Variants in SPOCK3 observed in about 807,000 individuals in gnomAD.
SPOCK3 encodes testican-3.
SPOCK3 carries 30 observed loss-of-function variants against 56.6 expected under a neutral mutation model. The ratio of observed to expected loss-of-function variants is 0.53; its 90% CI spans 0.40 to 0.72. The LOEUF is 0.72. SPOCK3 is among the 30% of genes least tolerant of loss of function. SPOCK3 has a pLI of 0.00. For synonymous variants in SPOCK3, 196 were observed against 183.3 expected (o/e 1.07, Z -0.56); for missense variants, 527 against 530.0 (o/e 0.99, Z 0.06).
At chr4:167,077,986 G>C (rs1757350692) in intron 2 of SPOCK3, among the ~76,000 whole-genome samples, 1 of 151,804 alleles carries the variant, frequency 6.6e-6, no homozygotes, top group Non-Finnish European at 1.5e-5. Context: ...AGATGAAAAT[G>C]CATAAACATA....
intron 3 of SPOCK3, among the ~76,000 whole-genome samples, chr4:167,007,112 G>A (rs773286950): frequency 1.4e-4 from 22 of 152,128 alleles, no homozygotes; most frequent in Non-Finnish European, 2.9e-4. Flanking sequence ...TTATTTTTCA[G>A]TTCTCAGAAA....
Position 166,884,664 on chromosome 4 carries a change from T to C in SPOCK3, c.589+4466A>G, listed in dbSNP as rs1027210935. Among the ~76,000 whole-genome samples, 5 of 152,132 alleles carry C rather than the reference T, an allele frequency of 3.3e-5. No homozygotes were observed. In the South Asian group the frequency reaches 1.0e-3, roughly 32 times the overall value. Reference sequence around the variant, plus strand: ...AATAGAAATGCAAAGTTGGTTAAATTTGAGGAAATACATCCATAAATCCTA... The same window carrying C: ...AATAGAAATGCAAAGTTGGTTAAATCTGAGGAAATACATCCATAAATCCTA... On this transcript the variant is annotated intron_variant, in intron 6 of 10. Coordinates refer to ENST00000357545, the MANE Select transcript of SPOCK3 (RefSeq NM_001040159.2).
chr4:167,231,611 A>T (rs1367023223), intron 2 of SPOCK3, among the ~76,000 whole-genome samples: 1 of 152,138 alleles, frequency 6.6e-6, no homozygotes, highest in Non-Finnish European at 1.5e-5. Context: ...CTGAAAACCA[A>T]CTGAAAAATA....
chr4:167,060,644 T>C (rs924480624), intron 3 of SPOCK3, among the ~76,000 whole-genome samples: 1 of 152,160 alleles, frequency 6.6e-6, no homozygotes, highest in Non-Finnish European at 1.5e-5. Flanking sequence ...TTTTAACATA[T>C]AGAAATAAAG....
intron 4 of SPOCK3, among the ~76,000 whole-genome samples, chr4:166,918,866 A>G (rs1258780240): frequency 3.9e-5 from 6 of 152,030 alleles, no homozygotes; most frequent in African/African-American, 1.4e-4. Context: ...TGCCATCCTC[A>G]TGGTAATGAG....
At chr4:167,132,976 C>A (rs1762824325) in intron 2 of SPOCK3, among the ~76,000 whole-genome samples, 1 of 152,100 alleles carries the variant, frequency 6.6e-6, no homozygotes, top group Admixed American at 6.5e-5. Context: ...ATGGATGTAT[C>A]TTTTTGGGGA....
At chr4:167,082,506 T>G (rs1022110482) in intron 2 of SPOCK3, among the ~76,000 whole-genome samples, 49 of 152,060 alleles carry the variant, frequency 3.2e-4, no homozygotes, top group African/African-American at 1.2e-3. Context: ...ACAACAGAGT[T>G]TCATAGTTAT....
chr4:167,159,458 G>A (rs1450290397), intron 2 of SPOCK3, among the ~76,000 whole-genome samples: 1 of 151,958 alleles, frequency 6.6e-6, no homozygotes, highest in Non-Finnish European at 1.5e-5. Context: ...TCTCTTAGAA[G>A]ACACAGAGAG....
At chr4:166,847,678 TATAA>T (rs772125222) in intron 6 of SPOCK3, among the ~76,000 whole-genome samples, 2,880 of 100,266 alleles carry the variant, frequency 0.029, 95 homozygotes, top group East Asian at 0.23. Flanking sequence ...TATATATATA[TATAA>T]GAATCATGTT....
chr4:167,108,084 C>T (rs1262852416), intron 2 of SPOCK3, among the ~76,000 whole-genome samples: 2 of 151,770 alleles, frequency 1.3e-5, no homozygotes, highest in Non-Finnish European at 2.9e-5. Context: ...CACAGAAATG[C>T]AAATCAAAAC....
chr4:166,860,802 C>CATATATATATACATATATATAT (rs1728662030), intron 6 of SPOCK3, among the ~76,000 whole-genome samples: 1 of 101,938 alleles, frequency 9.8e-6, no homozygotes, highest in Admixed American at 9.9e-5. Context: ...CACACAAATT[C>CATATATATATACATATATATAT]ATATATATAT....
chr4:167,044,226 C>T (rs536968271), intron 3 of SPOCK3, among the ~76,000 whole-genome samples: 2 of 151,920 alleles, frequency 1.3e-5, no homozygotes, highest in Non-Finnish European at 2.9e-5. Flanking sequence ...AATTTGTGGG[C>T]ACAGAGTTGT....
chr4:167,014,613 C>T (rs993698294), intron 3 of SPOCK3, among the ~76,000 whole-genome samples: 27 of 152,078 alleles, frequency 1.8e-4, no homozygotes, highest in African/African-American at 6.5e-4. Context: ...TATGATAATA[C>T]CACTATGCTC....
chr4:166,896,134 A>G (rs537727714), intron 5 of SPOCK3, among the ~76,000 whole-genome samples: 1 of 152,290 alleles, frequency 6.6e-6, no homozygotes, highest in East Asian at 1.9e-4. Flanking sequence ...AGGAAGAAAC[A>G]TGAGGATAAA....
intron 4 of SPOCK3, among the ~76,000 whole-genome samples, chr4:166,992,770 T>C (rs1356936180): frequency 6.6e-6 from 1 of 151,996 alleles, no homozygotes; most frequent in East Asian, 1.9e-4. Context: ...TCTTGTCTAT[T>C]TGGGGAACAA....
chr4:166,796,923 A>T (rs940106446), intron 6 of SPOCK3, among the ~76,000 whole-genome samples: 1 of 152,190 alleles, frequency 6.6e-6, no homozygotes, highest in Non-Finnish European at 1.5e-5. Context: ...TTCTTTCAAG[A>T]TATGTCCATT....
intron 3 of SPOCK3, among the ~76,000 whole-genome samples, chr4:167,057,291 A>G (rs1755005500): frequency 6.6e-6 from 1 of 152,218 alleles, no homozygotes; most frequent in Admixed American, 6.5e-5. Flanking sequence ...AGGAAGCACT[A>G]AACATGGAAA....
intron 2 of SPOCK3, among the ~76,000 whole-genome samples, chr4:167,202,871 C>T (rs999590495): frequency 5.3e-5 from 8 of 151,682 alleles, no homozygotes; most frequent in African/African-American, 1.9e-4. Flanking sequence ...AACCATTTGG[C>T]CTATATTTAA....
chr4:166,751,816 A>T (rs1482423653), intron 8 of SPOCK3, among the ~76,000 whole-genome samples: 1 of 152,112 alleles, frequency 6.6e-6, no homozygotes, highest in Non-Finnish European at 1.5e-5. Flanking sequence ...AAGGTAGCTA[A>T]AATCCCAAAT....
Sources: gnomAD v4.1 joint callset for allele counts (sites outside exome capture counted in the v4.1 genomes callset) on GRCh38, gnomAD v4.1.1 for gene constraint, MANE v1.5 for transcripts, NCBI Gene and HGNC (gene_info 2026-07-23, HGNC 2026-07-21) for gene names.